NAP1L4: variants seen among roughly 807,000 people sequenced by gnomAD.
NAP1L4 encodes the protein nucleosome assembly protein 1-like 4.
In NAP1L4, 15 loss-of-function variants were observed where a neutral mutation model predicts 58.2. The observed-to-expected ratio is 0.26, with a 90% CI of 0.17 to 0.40. NAP1L4 has a LOEUF of 0.40. Ranked by LOEUF, NAP1L4 falls within the 10% of genes least tolerant of loss-of-function variation. The pLI is 1.00. For synonymous variants in NAP1L4, 171 were observed against 155.6 expected (o/e 1.10, Z -0.74); for missense variants, 384 against 451.1 (o/e 0.85, Z 1.35).
At chr11:2,983,639 T>A (rs1248696427) in intron 1 of NAP1L4, 1 of 148,884 alleles carries the variant, frequency 6.7e-6, no homozygotes, top group African/African-American at 2.5e-5. Flanking sequence ...AATAATGAAT[T>A]TACACAATAA....
intron 8 of NAP1L4, chr11:2,963,738 C>A (rs764053518): frequency 1.9e-6 from 1 of 519,164 alleles, no homozygotes; most frequent in Non-Finnish European, 3.8e-6. Flanking sequence ...TCACCCACAC[C>A]CAAGATCCCT....
chr11:2,984,794 A>G (rs973321396), intron 1 of NAP1L4, among the ~76,000 whole-genome samples: 5 of 135,892 alleles, frequency 3.7e-5, no homozygotes, highest in Non-Finnish European at 6.6e-5. Flanking sequence ...TTCCTAGTAC[A>G]TAACAGCAGG....
At position 2,944,576 on chromosome 11, in the gene NAP1L4, T is replaced by G. The variant is rs1455669024; in HGVS notation, c.*1103A>C. On this transcript the variant is annotated 3_prime_UTR_variant, in exon 16 of 16. Coordinates refer to ENST00000380542, the MANE Select transcript of NAP1L4 (RefSeq NM_005969.4). Reference sequence around the variant, plus strand: ...CAGTGCGGACACGGCCATCCCCGGCTGCCGGAGAGCGCCGTCACCCACTTG... The same window carrying G: ...CAGTGCGGACACGGCCATCCCCGGCGGCCGGAGAGCGCCGTCACCCACTTG... 2 of 152,310 alleles carry G rather than the reference T, an allele frequency of 1.3e-5. No homozygotes were observed. Among genetic ancestry groups the G allele is most frequent in the Non-Finnish European group, 2.9e-5 (2 of 68,094 alleles). The allele number at this position is 152,310 out of a possible 1,614,324, so 9.4% of individuals were successfully genotyped here.
At position 2,955,690 on chromosome 11, in the gene NAP1L4, T is replaced by C; in HGVS notation, c.915+54A>G. ...TTTTTAACAAGTAGACAAGTAGACA[T>C]TCACTCAGGAGAGACTTCAACAGGA... On this transcript the variant is annotated intron_variant, in intron 11 of 15. Coordinates refer to ENST00000380542, the MANE Select transcript of NAP1L4 (RefSeq NM_005969.4). The surrounding 1 kb of genome is among the most constrained non-coding windows in gnomAD (Gnocchi z 4.2). 1 of 1,564,094 alleles carries C rather than the reference T, an allele frequency of 6.4e-7. No individual in the cohort carries two copies. The highest frequency in any genetic ancestry group is 2.2e-5 in the East Asian group (1 of 44,608).
At position 2,948,012 on chromosome 11, in the gene NAP1L4, G is replaced by A. The variant is rs9971558; in HGVS notation, c.*32+1215C>T. ...AGGCATACTGAAATACGGATAGGTG[G>A]CACGCATCGAGGATTCTCTTCAAAA... On this transcript the variant is annotated intron_variant, in intron 15 of 15. Transcript: ENST00000380542. The surrounding 1 kb of genome is among the most constrained non-coding windows in gnomAD (Gnocchi z 5.1). Among the ~76,000 whole-genome samples the A allele has an allele frequency of 0.18, 26,918 of 152,066 alleles. 2,955 individuals are homozygous for A. Among genetic ancestry groups the A allele is most frequent in the South Asian group, 0.34 (1,622 of 4,806 alleles).
chr11:2,947,827 G>C (rs1846018994), intron 15 of NAP1L4, among the ~76,000 whole-genome samples: 1 of 152,234 alleles, frequency 6.6e-6, no homozygotes, highest in Non-Finnish European at 1.5e-5. Context: ...CACTCGACCT[G>C]AGAAAGGCAA....
Position 2,951,074 on chromosome 11 carries a change from C to T in NAP1L4, c.1122+185G>A. 3.1e-6 allele frequency: 2 copies of T among 644,456 alleles called. No individual in the cohort carries two copies. The highest frequency in any genetic ancestry group is 5.5e-6 in the Non-Finnish European group (2 of 363,604). The allele number at this position is 644,456 out of a possible 1,614,324, so 39.9% of individuals were successfully genotyped here. Reference sequence around the variant, plus strand: ...GAAAAGCTTCTACTGAGTATGTACACTCAACACTCAAATTATAGACACAGT... The same window carrying T: ...GAAAAGCTTCTACTGAGTATGTACATTCAACACTCAAATTATAGACACAGT... On this transcript the variant is annotated intron_variant, in intron 14 of 15. Coordinates refer to ENST00000380542, the MANE Select transcript of NAP1L4 (RefSeq NM_005969.4). The surrounding 1 kb of genome is among the most constrained non-coding windows in gnomAD (Gnocchi z 4.0).
intron 12 of NAP1L4, chr11:2,952,439 C>T (rs1225676541): frequency 2.0e-5 from 3 of 152,756 alleles, no homozygotes; most frequent in African/African-American, 7.2e-5. Context: ...AAAAGCAAAA[C>T]CACCTTATCA....
At position 2,975,513 on chromosome 11, in the gene NAP1L4, T is replaced by C. The variant is rs182287208; in HGVS notation, c.173+511A>G. On this transcript the variant is annotated intron_variant, in intron 4 of 15. Coordinates refer to ENST00000380542, the MANE Select transcript of NAP1L4 (RefSeq NM_005969.4). ...TGAGAGGCTGAGGCGGGAGAACCAATTGAGGCCATGAGTTCAAAACCAGCC... is the reference window on the plus strand; with the variant it reads ...TGAGAGGCTGAGGCGGGAGAACCAACTGAGGCCATGAGTTCAAAACCAGCC... 5.2e-3 allele frequency among the ~76,000 whole-genome samples: 792 copies of C among 151,746 alleles called. 9 individuals are homozygous for C. The highest frequency in any genetic ancestry group is 4.9e-3 in the Non-Finnish European group (332 of 67,932).
intron 10 of NAP1L4, chr11:2,958,089 T>C: frequency 1.9e-6 from 1 of 523,612 alleles, no homozygotes; most frequent in East Asian, 4.9e-5. Flanking sequence ...GCAGCCCAGG[T>C]GCAAATACTC....
intron 6 of NAP1L4, among the ~76,000 whole-genome samples, chr11:2,970,424 T>TA (rs879504449): frequency 1.6e-4 from 23 of 143,244 alleles, no homozygotes; most frequent in African/African-American, 2.0e-4. Context: ...TAAGTTGAAA[T>TA]AAAAAAAAAA....
At position 2,954,061 on chromosome 11, in the gene NAP1L4, T is replaced by C. The variant is rs1394556978; in HGVS notation, c.1035+466A>G. Among the ~76,000 whole-genome samples, 1 of 152,204 alleles carries C rather than the reference T, an allele frequency of 6.6e-6. No homozygotes were observed. The highest frequency in any genetic ancestry group is 1.5e-5 in the Non-Finnish European group (1 of 68,032). ...AGTGACATGCAATCTTGTTGTTTTC[T>C]TCGGGAGCACGGGTTTCTTTTTTTT... On this transcript the variant is annotated intron_variant, in intron 12 of 15. Coordinates refer to ENST00000380542, the MANE Select transcript of NAP1L4 (RefSeq NM_005969.4). The surrounding 1 kb of genome is among the most constrained non-coding windows in gnomAD (Gnocchi z 4.8).
chr11:2,975,988 C>A (rs755622413), intron 4 of NAP1L4, 36 bp downstream of exon 4: 3 of 1,541,826 alleles, frequency 1.9e-6, no homozygotes, highest in South Asian at 2.4e-5. Flanking sequence ...TTTTGTTTCT[C>A]CAAATTGCAT....
rs1325269232 is a variant in NAP1L4, at chr11:2,948,063, G to A, written c.*32+1164C>T. On this transcript the variant is annotated intron_variant, in intron 15 of 15. Transcript: ENST00000380542. This position sits in a 1 kb window ranked among gnomAD's most constrained non-coding sequence, Gnocchi z 5.1. ...GAGCTGGTGGCATGGGAGGGGTGGC[G>A]TGGGAGAGTGGGTGAGGGTACAGGT... 0.062 allele frequency among the ~76,000 whole-genome samples: 5 copies of A among 80 alleles called. No individual in the cohort carries two copies. Among genetic ancestry groups the A allele is most frequent in the South Asian group, 0.25 (1 of 4 alleles). 0.1% of individuals were successfully genotyped at this position (80 alleles called of 152,430 possible).
intron 1 of NAP1L4, among the ~76,000 whole-genome samples, chr11:2,987,209 A>C (rs1005257070): frequency 6.6e-6 from 1 of 152,142 alleles, no homozygotes; most frequent in Non-Finnish European, 1.5e-5. Flanking sequence ...TGCCCAGGCC[A>C]GTAGACTCCT....
At position 2,944,683 on chromosome 11, in the gene NAP1L4, G is replaced by C. The variant is rs1207831883; in HGVS notation, c.*996C>G. On this transcript the variant is annotated 3_prime_UTR_variant, in exon 16 of 16. Coordinates refer to ENST00000380542, the MANE Select transcript of NAP1L4 (RefSeq NM_005969.4). ...GATGAATGGTGGGGCCCCGCAATGG[G>C]GCTACTGAGAAAGCAGGACTTGACG... is the stretch of plus-strand genomic sequence containing the variant. 1 of 152,212 alleles carries C rather than the reference G, an allele frequency of 6.6e-6. No individual in the cohort carries two copies. Among genetic ancestry groups the C allele is most frequent in the Non-Finnish European group, 1.5e-5 (1 of 68,046 alleles). The allele number at this position is 152,212 out of a possible 1,614,324, so 9.4% of individuals were successfully genotyped here.
At chr11:2,952,127 C>T in intron 12 of NAP1L4, 1 of 418,316 alleles carries the variant, frequency 2.4e-6, no homozygotes, top group Middle Eastern at 6.2e-4. Flanking sequence ...AGCAGGCACA[C>T]AGGAAAAGAT....
chr11:2,971,582 G>A lies in NAP1L4; in HGVS notation c.316-48C>T. ...TAGAATTATGTTATTAGCTTACTTAGGAACTCAAGAGTTAAATTTATAAAT... is the reference window on the plus strand; with the variant it reads ...TAGAATTATGTTATTAGCTTACTTAAGAACTCAAGAGTTAAATTTATAAAT... On this transcript the variant is annotated intron_variant, in intron 5 of 15. Transcript: ENST00000380542. This position sits in a 1 kb window ranked among gnomAD's most constrained non-coding sequence, Gnocchi z 4.2. 6.8e-7 allele frequency: 1 copy of A among 1,469,818 alleles called. No individual in the cohort carries two copies. Among genetic ancestry groups the A allele is most frequent in the Non-Finnish European group, 9.4e-7 (1 of 1,062,402 alleles). 91.0% of individuals were successfully genotyped at this position (1,469,818 alleles called of 1,614,324 possible).
intron 7 of NAP1L4, among the ~76,000 whole-genome samples, chr11:2,967,091 C>A (rs778320189): frequency 6.6e-6 from 1 of 152,128 alleles, no homozygotes; most frequent in Non-Finnish European, 1.5e-5. Context: ...AGAGTTAATC[C>A]GCCTTTGGAA....
Sources: gnomAD v4.1 joint callset for allele counts (sites outside exome capture counted in the v4.1 genomes callset) on GRCh38, gnomAD v4.1.1 for gene constraint, Gnocchi (gnomAD v3.1) non-coding constraint, MANE v1.5 for transcripts, NCBI Gene and HGNC (gene_info 2026-07-23, HGNC 2026-07-21) for gene names.